The following RNH1 variants were observed in gnomAD, a reference collection of about 807,000 sequenced individuals.
The protein encoded by RNH1 is ribonuclease inhibitor.
Under a neutral mutation model 46.1 loss-of-function variants are expected in RNH1, and 38 were observed. The ratio of observed to expected loss-of-function variants is 0.82; its 90% CI spans 0.64 to 1.08. The LOEUF is 1.08. Ranked by LOEUF, RNH1 falls within the 50% of genes least tolerant of loss-of-function variation. The probability of loss-of-function intolerance (pLI) is 0.00; values close to 1 mark genes in which losing one functional copy is unlikely to be tolerated. For synonymous variants in RNH1, 319 were observed against 279.1 expected (o/e 1.14, Z -1.43); for missense variants, 577 against 590.7 (o/e 0.98, Z 0.24).
At chr11:499,662 GCAC>G (rs938134923) in intron 5 of RNH1, 164 bp downstream of exon 5, 8 of 800,814 alleles carry the variant, frequency 1.0e-5, no homozygotes, top group Admixed American at 6.1e-5. Flanking sequence ...GGAGAGGAGA[GCAC>G]CACAAGGCCC....
chr11:496,207 AAGAG>A (rs374802157), intron 9 of RNH1, among the ~76,000 whole-genome samples: 3 of 152,198 alleles, frequency 2.0e-5, no homozygotes, highest in Non-Finnish European at 4.4e-5. Flanking sequence ...ACAGTGAACA[AAGAG>A]AGCTTGAAAA....
rs1849708822 is a variant in RNH1 at position 501,081 on chromosome 11, G to A, written c.102-427C>T. ...AGGTTGAGGCCGCATAAGCCATGAG[G>A]GAGCCACTCCAGCCTGGGTGACAGA... On this transcript the variant is annotated intron_variant, in intron 3 of 10. Transcript: ENST00000354420. The surrounding 1 kb of genome is among the most constrained non-coding windows in gnomAD (Gnocchi z 4.1). 8.8e-6 allele frequency: 3 copies of A among 341,158 alleles called. No homozygotes were observed. Among genetic ancestry groups the A allele is most frequent in the Non-Finnish European group, 1.7e-5 (3 of 174,042 alleles). 21.1% of individuals were successfully genotyped at this position (341,158 alleles called of 1,614,324 possible).
chr11:500,612 G>A lies in RNH1; in HGVS notation c.144C>T (p.Ile48=), dbSNP rs1289301967. 5 of 1,609,360 alleles carry A rather than the reference G, an allele frequency of 3.1e-6. No homozygotes were observed. The highest frequency in any genetic ancestry group is 4.2e-6 in the Non-Finnish European group (5 of 1,179,956). ...CGLTEARCKD[I]SSALRVNPAL... ...CAGGGTTGACTCGAAGTGCAGAGCTGATGTCCTTGCACCGTGCTTCCGTGA... is the reference window on the plus strand; with the variant it reads ...CAGGGTTGACTCGAAGTGCAGAGCTAATGTCCTTGCACCGTGCTTCCGTGA... The change falls in exon 4 of 11, where the codon ATC becomes ATT. Residue 48 remains isoleucine, a synonymous_variant. Transcript: ENST00000354420.
intron 1 of RNH1, 105 bp from the exon 2 acceptor site, chr11:505,101 C>T (rs1033858328): frequency 1.3e-5 from 2 of 151,964 alleles, no homozygotes; most frequent in South Asian, 2.1e-4. Context: ...TGCCTCATGT[C>T]TCTCTAAAAC....
At chr11:505,221 A>C (rs2133931853) in intron 1 of RNH1, 1 of 152,284 alleles carries the variant, frequency 6.6e-6, no homozygotes, top group East Asian at 1.9e-4. Flanking sequence ...AATCCCTTCA[A>C]ATATTTTACA....
chr11:503,410 G>A (rs1051685853), intron 2 of RNH1: 1 of 152,252 alleles, frequency 6.6e-6, no homozygotes, highest in Admixed American at 6.5e-5. Flanking sequence ...GAGGCCCCTG[G>A]TACCAACTGG....
intron 3 of RNH1, 66 bp from the exon 4 acceptor site, chr11:500,720 C>T: frequency 1.9e-6 from 3 of 1,556,032 alleles, no homozygotes. Context: ...CCACCACCAC[C>T]CCACGTGCAG....
intron 7 of RNH1, 38 bp downstream of exon 7, chr11:498,725 C>G (rs777704109): frequency 6.3e-7 from 1 of 1,589,626 alleles, no homozygotes; most frequent in Non-Finnish European, 8.5e-7. Context: ...GCCCGCCGCC[C>G]GACCCTCCGG....
rs1216405476 is a variant in RNH1 at position 499,270 on chromosome 11, C to T, written c.444-85G>A. On this transcript the variant is annotated intron_variant, in intron 5 of 10. Coordinates refer to ENST00000354420, the MANE Select transcript of RNH1 (RefSeq NM_203387.3). ...CAGGGAGCACGGGGTGTGCTGGTGT[C>T]TCATCTCCCCTCAGTCTTCTGCCTG... The T allele has an allele frequency of 5.6e-6, 8 of 1,424,706 alleles. No individual in the cohort carries two copies. The Admixed American group carries it at 1.1e-4, about 20-fold the overall frequency. The allele number at this position is 1,424,706 out of a possible 1,614,324, so 88.3% of individuals were successfully genotyped here.
rs1007893945 is a variant in RNH1, at chr11:500,070, AGAGCCCG to A, written c.273-78_273-72del. 7.6e-6 allele frequency: 11 copies of A among 1,452,956 alleles called. No homozygotes were observed. In the African/African-American group the frequency reaches 1.1e-4, roughly 15 times the overall value. The allele number at this position is 1,452,956 out of a possible 1,614,324, so 90.0% of individuals were successfully genotyped here. On this transcript the variant is annotated intron_variant, in intron 4 of 10. Transcript: ENST00000354420. ...CCACGCCCTTCGCCTGCCAGAGCCC[AGAGCCCG>A]GAGCAGCACTCTTCAGGCGGCAGGT...
rs145250161 is a variant in RNH1, at chr11:499,088, C to T, written c.541G>A (p.Asp181Asn). 177 of 1,613,458 alleles carry T rather than the reference C, an allele frequency of 1.1e-4. No individual in the cohort carries two copies. The highest frequency in any genetic ancestry group is 8.2e-4 in the Middle Eastern group (5 of 6,062). Residue 181 changes from aspartate to asparagine, a missense_variant, in exon 6 of 11, where the codon GAC becomes AAC. By Grantham distance (23) the Asp-to-Asn change is conservative. Transcript: ENST00000354420. ...ACACGGACGCCAGCCTCATTGATGT[C>T]GTTGTTGCTAACCGTGAGCTCCTTG... ...DFKELTVSNN[D>N]INEAGVRVLC...
chr11:495,374 C>T (rs1234051357), intron 9 of RNH1, among the ~76,000 whole-genome samples: 2 of 152,160 alleles, frequency 1.3e-5, no homozygotes, highest in African/African-American at 2.4e-5. Context: ...CGTCTGGCTG[C>T]GTGGGCTTCA....
intron 1 of RNH1, chr11:506,066 A>T (rs1850247010): frequency 6.6e-6 from 1 of 152,124 alleles, no homozygotes; most frequent in Non-Finnish European, 1.5e-5. Flanking sequence ...TTTAGTAGAG[A>T]CGGGTTTTCA....
rs1849779158 is a variant in RNH1 at position 501,863 on chromosome 11, T to C, written c.101+199A>G. ...CCCGCCCACCTCAGCCCATGCTGCATGAGCCTGGAATGGGTTTTACATTCC... is the reference window on the plus strand; with the variant it reads ...CCCGCCCACCTCAGCCCATGCTGCACGAGCCTGGAATGGGTTTTACATTCC... On this transcript the variant is annotated intron_variant, in intron 3 of 10. Transcript: ENST00000354420. The surrounding 1 kb of genome is among the most constrained non-coding windows in gnomAD (Gnocchi z 4.1). 14 of 589,804 alleles carry C rather than the reference T, an allele frequency of 2.4e-5. No homozygotes were observed. The South Asian group carries it at 2.8e-4, about 12-fold the overall frequency. 36.5% of individuals were successfully genotyped at this position (589,804 alleles called of 1,614,324 possible). A position where few individuals can be genotyped will look rare whatever the true frequency, so the allele number is the denominator to read the frequency against.
Position 498,447 on chromosome 11 carries a change from C to T in RNH1, c.956+10G>A. The T allele has an allele frequency of 6.2e-7, 1 of 1,611,586 alleles. No homozygotes were observed. The highest frequency in any genetic ancestry group is 1.1e-5 in the South Asian group (1 of 91,038). ...GGGCGACAGGGCCCTGCCCCGACAG[C>T]CACACTCACCACAGCGACTCCAGCT... On this transcript the variant is annotated intron_variant, in intron 8 of 10. Coordinates refer to ENST00000354420, the MANE Select transcript of RNH1 (RefSeq NM_203387.3).
rs147004742 is a variant in RNH1, at chr11:494,918, G to A, written c.1263C>T (p.Ser421=). Residue 421 remains serine (S), a synonymous_variant, in exon 10 of 11, where the codon AGC becomes AGT. Transcript: ENST00000354420. ...GDAGILQLVE[S]VRQPGCLLEQ... Reference sequence around the variant, plus strand: ...CCAGGAGGCAGCCCGGCTGCCGGACGCTCTCCACCAGCTGCAGGATGCCGG... The same window carrying A: ...CCAGGAGGCAGCCCGGCTGCCGGACACTCTCCACCAGCTGCAGGATGCCGG... 199 of 1,610,936 alleles carry A rather than the reference G, an allele frequency of 1.2e-4. No individual in the cohort carries two copies. The highest frequency in any genetic ancestry group is 7.2e-4 in the South Asian group (65 of 90,814).
Position 501,216 on chromosome 11 carries a change from G to A in RNH1, c.102-562C>T, listed in dbSNP as rs528857706. The A allele has an allele frequency of 7.2e-5, 15 of 208,252 alleles. No individual in the cohort carries two copies. Among genetic ancestry groups the A allele is most frequent in the Non-Finnish European group, 1.2e-4 (12 of 100,686 alleles). 12.9% of individuals were successfully genotyped at this position (208,252 alleles called of 1,614,324 possible). On this transcript the variant is annotated intron_variant, in intron 3 of 10. Transcript: ENST00000354420. This position sits in a 1 kb window ranked among gnomAD's most constrained non-coding sequence, Gnocchi z 4.1. ...CACAGTGGAGAGGGTGGCAGACGGC[G>A]CCTGTGACAGGACGCTCCTGGCAGG... is the stretch of plus-strand genomic sequence containing the variant.
Position 494,603 on chromosome 11 carries a change from T to C in RNH1, c.*88A>G. The C allele has an allele frequency of 1.8e-6, 2 of 1,099,182 alleles. No homozygotes were observed. Among genetic ancestry groups the C allele is most frequent in the South Asian group, 2.6e-5 (2 of 78,326 alleles). The allele number at this position is 1,099,182 out of a possible 1,614,324, so 68.1% of individuals were successfully genotyped here. Reference sequence around the variant, plus strand: ...TGAGCGTTTCTCTTCAAACCTAGGATATGCAGGGTGAGAGCATGGCAGGGG... The same window carrying C: ...TGAGCGTTTCTCTTCAAACCTAGGACATGCAGGGTGAGAGCATGGCAGGGG... On this transcript the variant is annotated 3_prime_UTR_variant, in exon 11 of 11. Coordinates refer to ENST00000354420, the MANE Select transcript of RNH1 (RefSeq NM_203387.3).
rs372666466 is a variant in RNH1, at chr11:498,888, G to A, written c.660C>T (p.Cys220=). 25 of 1,612,532 alleles carry A rather than the reference G, an allele frequency of 1.6e-5. No homozygotes were observed. The highest frequency in any genetic ancestry group is 6.7e-5 in the East Asian group (3 of 44,870). The stretch of plus-strand genomic sequence containing the variant: ...GCGAGGCCTTGGAGGCCACAATGCC[G>A]CACAGGTCCCGGCAGTTGTCTGATG... The part of the protein sequence containing the change: ...GVTSDNCRDL[C]GIVASKASLR... The change falls in exon 7 of 11, where the codon TGC becomes TGT. Residue 220 remains cysteine (C), a synonymous_variant. Transcript: ENST00000354420.
Sources: gnomAD v4.1 joint callset for allele counts (sites outside exome capture counted in the v4.1 genomes callset) on GRCh38, gnomAD v4.1.1 for gene constraint, Gnocchi (gnomAD v3.1) non-coding constraint, MANE v1.5 for transcripts, NCBI Gene and HGNC (gene_info 2026-07-23, HGNC 2026-07-21) for gene names.